Variants in RBFOX2 observed in about 807,000 individuals in gnomAD.
RBFOX2 encodes the protein RNA binding protein fox-1 homolog 2.
RBFOX2 carries 10 observed loss-of-function variants against 49.1 expected under a neutral mutation model. The observed-to-expected ratio is 0.20, with a 90% confidence interval of 0.13 to 0.35. The LOEUF is 0.35. Among genes scored for constraint, RBFOX2 ranks in the 10% least tolerant of loss-of-function variants. The pLI, the probability that RBFOX2 is intolerant of heterozygous loss-of-function variation, is 1.00. For synonymous variants in RBFOX2, 183 were observed against 187.4 expected, an observed-to-expected ratio of 0.98 and a Z score of 0.19; for missense variants, 323 against 486.9, an observed-to-expected ratio of 0.66 and a Z score of 3.17.
chr22:35,844,660 G>GTTTT (rs557706176), upstream of RBFOX2, among the ~76,000 whole-genome samples: 6 of 114,266 alleles, frequency 5.3e-5, no homozygotes, highest in African/African-American at 1.9e-4. Context: ...ATGCCCGGCA[G>GTTTT]TTTTTTTTTT....
chr22:36,021,709 C>T (rs1399484378), intron 1 of RBFOX2, among the ~76,000 whole-genome samples: 10 of 152,204 alleles, frequency 6.6e-5, no homozygotes, highest in Admixed American at 6.5e-4. Flanking sequence ...TCCCAAACTA[C>T]TTTGCCCACC....
rs540908797 is a variant in RBFOX2, at chr22:36,004,349, G to A, written c.186+23891C>T. Among the ~76,000 whole-genome samples the A allele has an allele frequency of 1.8e-3, 268 of 152,182 alleles. 3 individuals carry two copies. The highest frequency in any genetic ancestry group is 1.5e-3 in the South Asian group (7 of 4,810). Reference sequence around the variant, plus strand: ...CATTGCTACCCAAAACTCTTCTAACGTCAAGATCTCAAACTCGTAGGAAAA... The same window carrying A: ...CATTGCTACCCAAAACTCTTCTAACATCAAGATCTCAAACTCGTAGGAAAA... On this transcript the variant is annotated intron_variant, in intron 1 of 13. Transcript: ENST00000438146.
At chr22:35,747,917 CA>C (rs1933382216) in intron 9 of RBFOX2, 1 of 152,146 alleles carries the variant, frequency 6.6e-6, no homozygotes, top group African/African-American at 2.4e-5. Flanking sequence ...ACTTCTGTAT[CA>C]TTTCTTGGGA....
At chr22:35,879,216 T>C (rs950622694) in intron 1 of RBFOX2, among the ~76,000 whole-genome samples, 2 of 152,174 alleles carry the variant, frequency 1.3e-5, no homozygotes, top group Non-Finnish European at 2.9e-5. Flanking sequence ...CCCTCCATAT[T>C]TGTGGGTTCT....
chr22:35,865,955 T>C (rs1569422440), intron 1 of RBFOX2, among the ~76,000 whole-genome samples: 1 of 152,206 alleles, frequency 6.6e-6, no homozygotes, highest in Non-Finnish European at 1.5e-5. Flanking sequence ...ATGCCAAATA[T>C]TGGCTATCAC....
chr22:35,947,507 T>C (rs2054422617), intron 1 of RBFOX2, among the ~76,000 whole-genome samples: 1 of 151,370 alleles, frequency 6.6e-6, no homozygotes, highest in African/African-American at 2.4e-5. Context: ...GCACACGGCA[T>C]TGTTATCATA....
At chr22:35,933,652 CA>C (rs2052676316) in intron 1 of RBFOX2, among the ~76,000 whole-genome samples, 1 of 152,004 alleles carries the variant, frequency 6.6e-6, no homozygotes, top group Admixed American at 6.6e-5. Context: ...ATTGATGAAA[CA>C]AAAGTAAGTC....
chr22:35,973,523 GATTAAGA>G (rs1437130609), intron 1 of RBFOX2, among the ~76,000 whole-genome samples: 2 of 152,152 alleles, frequency 1.3e-5, no homozygotes, highest in African/African-American at 2.4e-5. Context: ...TGGTTTCTGG[GATTAAGA>G]ACCAGTCCAG....
chr22:35,967,382 T>C (rs996487979), intron 1 of RBFOX2, among the ~76,000 whole-genome samples: 1 of 75,336 alleles, frequency 1.3e-5, no homozygotes, highest in Non-Finnish European at 3.0e-5. Flanking sequence ...TGTCTCAAAA[T>C]AAAAAATTAA....
intron 1 of RBFOX2, among the ~76,000 whole-genome samples, chr22:35,969,973 T>C (rs972084392): frequency 6.6e-6 from 1 of 152,208 alleles, no homozygotes; most frequent in Non-Finnish European, 1.5e-5. Context: ...TGATAAATTG[T>C]AGGAGATAAC....
chr22:35,958,968 T>C (rs946456388), intron 1 of RBFOX2, among the ~76,000 whole-genome samples: 2 of 151,840 alleles, frequency 1.3e-5, no homozygotes, highest in Non-Finnish European at 2.9e-5. Context: ...ACTATATATA[T>C]ATATATATTG....
exon 1 of RBFOX2, chr22:35,840,468 GCCCCAC>G (rs1412118153): frequency 1.4e-6 from 2 of 1,402,268 alleles, no homozygotes; most frequent in Non-Finnish European, 1.8e-6. Flanking sequence ...GCTGAAGGAA[GCCCCAC>G]CCCTGAATGC....
At chr22:35,988,921 G>C (rs1280857482) in intron 1 of RBFOX2, among the ~76,000 whole-genome samples, 4 of 152,208 alleles carry the variant, frequency 2.6e-5, no homozygotes, top group Non-Finnish European at 5.9e-5. Flanking sequence ...TGGGCATAGT[G>C]GCTCATGCCT....
intron 1 of RBFOX2, among the ~76,000 whole-genome samples, chr22:35,820,713 A>C (rs1181841023): frequency 6.6e-6 from 1 of 152,200 alleles, no homozygotes; most frequent in Non-Finnish European, 1.5e-5. Context: ...TAAAGAAATA[A>C]AAGATGTTTC....
intron 1 of RBFOX2, among the ~76,000 whole-genome samples, chr22:35,970,139 A>C (rs2056789056): frequency 6.6e-6 from 1 of 152,210 alleles, no homozygotes; most frequent in Non-Finnish European, 1.5e-5. Flanking sequence ...CGTCGGTTGC[A>C]ATGCTATATT....
intron 1 of RBFOX2, among the ~76,000 whole-genome samples, chr22:35,854,280 C>A (rs2042268280): frequency 6.6e-6 from 1 of 152,034 alleles, no homozygotes; most frequent in South Asian, 2.1e-4. Flanking sequence ...ACTATAAACT[C>A]TCATTTAAGA....
upstream of RBFOX2, among the ~76,000 whole-genome samples, chr22:35,843,393 A>C (rs778166825): frequency 6.6e-6 from 1 of 152,168 alleles, no homozygotes; most frequent in Non-Finnish European, 1.5e-5. Flanking sequence ...AGAAATATTT[A>C]TTAAATAAAC....
At chr22:35,868,967 G>C (rs1402124922) in intron 1 of RBFOX2, among the ~76,000 whole-genome samples, 2 of 152,158 alleles carry the variant, frequency 1.3e-5, no homozygotes, top group Non-Finnish European at 2.9e-5. Flanking sequence ...TACCTCTTTT[G>C]AATGTTTTCC....
intron 1 of RBFOX2, among the ~76,000 whole-genome samples, chr22:35,946,278 C>T (rs1356496937): frequency 6.6e-6 from 1 of 152,182 alleles, no homozygotes; most frequent in Non-Finnish European, 1.5e-5. Flanking sequence ...ATAAACTATT[C>T]ACTTCAGACT....
Sources: allele counts gnomAD v4.1 joint callset (sites outside exome capture counted in the v4.1 genomes callset), GRCh38; gene constraint gnomAD v4.1.1; transcripts MANE v1.5; gene names NCBI Gene and HGNC (gene_info 2026-07-23, HGNC 2026-07-21).